Variants in NOTCH3 observed in about 807,000 individuals in gnomAD.
NOTCH3 encodes the protein notch receptor 3.
NOTCH3 carries 86 observed loss-of-function variants against 213.3 expected under a neutral mutation model. That is an observed-to-expected ratio of 0.40 (90% CI 0.34 to 0.48). The LOEUF is 0.48. NOTCH3 is among the 20% of genes least tolerant of loss of function. NOTCH3 has a pLI of 0.57. For synonymous variants in NOTCH3, 1,354 were observed against 1,355.9 expected (o/e 1.00, Z 0.03); for missense variants, 2,783 against 3,272.6 (o/e 0.85, Z 3.65).
In NOTCH3 at chr19:15,166,959, A is replaced by C. The variant is rs34740703; in HGVS notation, c.5362+290T>G. 0.078 allele frequency among the ~76,000 whole-genome samples: 11,835 copies of C among 152,060 alleles called. 1,330 individuals carry two copies. Among genetic ancestry groups the C allele is most frequent in the African/African-American group, 0.25 (10,483 of 41,454 alleles). On this transcript the variant is annotated intron_variant, in intron 29 of 32. Coordinates refer to ENST00000263388, the MANE Select transcript of NOTCH3 (RefSeq NM_000435.3). ...AGAATGCATCCTGAGACTTTTCTGG[A>C]GCATTAAGAAGGTTTTGTAAGATTG...
At position 15,185,549 on chromosome 19, in the gene NOTCH3, G is replaced by T. The variant is rs751758366; in HGVS notation, c.2082C>A (p.Pro694=). ...GCTCATGGGCACAGGGATGGCTCGG[G>T]GGGAGGCAGAGTGGGGGCAAGGAGC... The part of the protein sequence containing the change: ...PPGSLPPLCL[P]PSHPCAHEPC... Residue 694 remains proline, a synonymous_variant, in exon 13 of 33, where the codon CCC becomes CCA. Transcript: ENST00000263388. This position sits in a 1 kb window ranked among gnomAD's most constrained non-coding sequence, Gnocchi z 4.2. 4 of 1,613,640 alleles carry T rather than the reference G, an allele frequency of 2.5e-6. No individual in the cohort carries two copies. Among genetic ancestry groups the T allele is most frequent in the South Asian group, 2.2e-5 (2 of 91,084 alleles).
In NOTCH3 at chr19:15,165,261, G is replaced by A. The variant is rs1428310166; in HGVS notation, c.5815+107C>T. On this transcript the variant is annotated intron_variant, in intron 31 of 32. Transcript: ENST00000263388. This position sits in a 1 kb window ranked among gnomAD's most constrained non-coding sequence, Gnocchi z 4.7. ...TCATGAAGCCTGGTTATGTGTGCGT[G>A]AGCTTCAGTGATTGGGTCTCAACAT... 1.7e-5 allele frequency: 20 copies of A among 1,184,780 alleles called. No individual in the cohort carries two copies. The highest frequency in any genetic ancestry group is 2.4e-5 in the Non-Finnish European group (19 of 803,010). The allele number at this position is 1,184,780 out of a possible 1,614,324, so 73.4% of individuals were successfully genotyped here. A position where few individuals can be genotyped will look rare whatever the true frequency, so the allele number is the denominator to read the frequency against.
At chr19:15,172,668 C>CTT (rs762705777) in intron 25 of NOTCH3, among the ~76,000 whole-genome samples, 27 of 139,886 alleles carry the variant, frequency 1.9e-4, no homozygotes, top group African/African-American at 6.1e-4. Context: ...TTTTCTTTTT[C>CTT]TTTTTTTTTT....
At chr19:15,176,442 C>T (rs917807506) in intron 24 of NOTCH3, among the ~76,000 whole-genome samples, 7 of 122 alleles carry the variant, frequency 0.057, no homozygotes, top group East Asian at 0.25. Flanking sequence ...GGATTACAGG[C>T]GTGAGCACTG....
chr19:15,183,034 T>C (rs1487243392), intron 16 of NOTCH3, among the ~76,000 whole-genome samples: 1 of 152,070 alleles, frequency 6.6e-6, no homozygotes, highest in Non-Finnish European at 1.5e-5. Context: ...GAGGATGGCT[T>C]GAGGCCAGGA....
intron 16 of NOTCH3, among the ~76,000 whole-genome samples, chr19:15,182,582 A>C (rs925305562): frequency 1.3e-5 from 2 of 151,692 alleles, no homozygotes; most frequent in Non-Finnish European, 2.9e-5. Flanking sequence ...TGATATGTTA[A>C]TATATTGGGT....
chr19:15,181,122 AGTTCACGCC>A lies in NOTCH3; in HGVS notation c.2824_2832del (p.Gly942_Asn944del). The A allele has an allele frequency of 5.0e-6, 8 of 1,608,964 alleles. No individual in the cohort carries two copies. The highest frequency in any genetic ancestry group is 6.8e-6 in the Non-Finnish European group (8 of 1,178,412). On this transcript the variant is annotated inframe_deletion, in exon 18 of 33. Coordinates refer to ENST00000263388, the MANE Select transcript of NOTCH3 (RefSeq NM_000435.3). ...CCGGGACGGCACAGGCAGCTGAACG[AGTTCACGCC>A]GTCCACACAGGTCCCGCCATTGAAG...
intron 12 of NOTCH3, 47 bp downstream of exon 12, chr19:15,186,831 T>C (rs2046885355): frequency 1.5e-5 from 22 of 1,479,664 alleles, no homozygotes; most frequent in Non-Finnish European, 2.1e-5. Context: ...GACGAGTGAC[T>C]TCACCCTCGA....
At chr19:15,186,817 C>G in intron 12 of NOTCH3, 61 bp downstream of exon 12, 1 of 1,365,130 alleles carries the variant, frequency 7.3e-7, no homozygotes, top group Non-Finnish European at 1.0e-6. Flanking sequence ...AACAGGCCCA[C>G]AGAGACGAGT....
At chr19:15,197,241 G>A (rs2046975811) in intron 2 of NOTCH3, among the ~76,000 whole-genome samples, 1 of 152,134 alleles carries the variant, frequency 6.6e-6, no homozygotes, top group African/African-American at 2.4e-5. Context: ...CCATTTTGCA[G>A]ACCATGACAC....
chr19:15,197,445 C>A, intron 2 of NOTCH3, 55 bp downstream of exon 2: 1 of 771,206 alleles, frequency 1.3e-6, no homozygotes, highest in Non-Finnish European at 2.3e-6. Context: ...CAAATCGCCC[C>A]TCCCCCCCGC....
Position 15,165,387 on chromosome 19 carries a change from G to A in NOTCH3, c.5796C>T (p.Val1932=), listed in dbSNP as rs1416719792. The A allele has an allele frequency of 1.9e-6, 3 of 1,608,026 alleles. No individual in the cohort carries two copies. The highest frequency in any genetic ancestry group is 2.5e-6 in the Non-Finnish European group (3 of 1,180,026). The change falls in exon 31 of 33, where the codon GTC becomes GTT. Residue 1932 remains valine (V), a synonymous_variant. Transcript: ENST00000263388. This position sits in a 1 kb window ranked among gnomAD's most constrained non-coding sequence, Gnocchi z 4.7. The part of the protein sequence containing the change: ...VEELIASHAD[V]NAVDELGKSA... ...ACCTACCAAGCTCATCCACAGCATT[G>A]ACATCAGCATGGCTGGCGATGAGCT...
At chr19:15,195,063 A>C (rs981651913) in intron 2 of NOTCH3, among the ~76,000 whole-genome samples, 1 of 152,024 alleles carries the variant, frequency 6.6e-6, no homozygotes, top group Non-Finnish European at 1.5e-5. Context: ...ACACACACAG[A>C]GGGACACACC....
In NOTCH3 at chr19:15,167,288, C is replaced by T. The variant is rs139983430; in HGVS notation, c.5323G>A (p.Ala1775Thr). ...AMALTPPQGDADADGMDVNVR... is the reference protein window; with the variant it reads ...AMALTPPQGDTDADGMDVNVR... ...TTGACATCCATGCCATCAGCATCTG[C>T]GTCGCCCTGTGGTGGTGTCAGTGCC... is the stretch of plus-strand genomic sequence containing the variant. The change falls in exon 29 of 33, where the codon GCA becomes ACA. Residue 1775 changes from alanine to threonine, a missense_variant. Ala to Thr is a moderately conservative substitution (Grantham distance 58). Coordinates refer to ENST00000263388, the MANE Select transcript of NOTCH3 (RefSeq NM_000435.3). The T allele has an allele frequency of 2.2e-5, 36 of 1,613,454 alleles. No individual in the cohort carries two copies. Among genetic ancestry groups the T allele is most frequent in the African/African-American group, 2.1e-4 (16 of 74,946 alleles).
At chr19:15,177,494 A>G (rs774151841) in intron 24 of NOTCH3, 31 bp downstream of exon 24, 1 of 1,590,466 alleles carries the variant, frequency 6.3e-7, no homozygotes, top group Middle Eastern at 1.7e-4. Context: ...GGATGCATAG[A>G]CAGACGGATC....
Position 15,199,163 on chromosome 19 carries a change from T to C in NOTCH3, c.119-1585A>G, listed in dbSNP as rs116455367. ...GCCACATGTGTGTGCGTGCACGGGC[T>C]TGTGTGTCTGTATGTGGATTTGGGC... On this transcript the variant is annotated intron_variant, in intron 1 of 32. Transcript: ENST00000263388. 1.9e-3 allele frequency among the ~76,000 whole-genome samples: 292 copies of C among 152,086 alleles called. 1 individual carries two copies. Among genetic ancestry groups the C allele is most frequent in the African/African-American group, 6.4e-3 (267 of 41,486 alleles).
rs1487561873 is a variant in NOTCH3, at chr19:15,167,279, C to T, written c.5332G>A (p.Asp1778Asn). The T allele has an allele frequency of 5.6e-6, 9 of 1,613,218 alleles. No homozygotes were observed. Among genetic ancestry groups the T allele is most frequent in the Non-Finnish European group, 7.6e-6 (9 of 1,179,556 alleles). ...CCACGCACATTGACATCCATGCCAT[C>T]AGCATCTGCGTCGCCCTGTGGTGGT... ...LTPPQGDADA[D>N]GMDVNVRGPD... Residue 1778 changes from aspartate (D) to asparagine (N), a missense_variant, in exon 29 of 33, where the codon GAT (aspartate) becomes AAT (asparagine). Physicochemically the swap from Asp to Asn is conservative, Grantham distance 23. Transcript: ENST00000263388.
chr19:15,181,179 G>A lies in NOTCH3; in HGVS notation c.2793-17C>T, dbSNP rs2046838277. ...AAGCAGGAGCTGGAGCGGAAGGAGT[G>A]GGAGGGAGGATCAGGCTCCGCCCCC... On this transcript the variant is annotated splice_polypyrimidine_tract_variant and intron_variant, in intron 17 of 32. Transcript: ENST00000263388. 1.9e-6 allele frequency: 3 copies of A among 1,606,168 alleles called. No individual in the cohort carries two copies. The highest frequency in any genetic ancestry group is 2.5e-6 in the Non-Finnish European group (3 of 1,176,584).
rs4809030 is a variant in NOTCH3, at chr19:15,162,570, A to G, written c.5816-8T>C. On this transcript the variant is annotated splice_region_variant and splice_polypyrimidine_tract_variant and intron_variant, in intron 31 of 32. Transcript: ENST00000263388. ...AGTGTAAGGCTGATTTCCCTGGAGGATGAAGGGGAGAGAGGTCAGGACCAG... is the reference window on the plus strand; with the variant it reads ...AGTGTAAGGCTGATTTCCCTGGAGGGTGAAGGGGAGAGAGGTCAGGACCAG... 0.89 allele frequency: 1,439,261 copies of G among 1,612,158 alleles called. 644,165 individuals carry two copies. The highest frequency in any genetic ancestry group is 0.98 in the African/African-American group (73,214 of 74,986).
Sources: allele counts gnomAD v4.1 joint callset (sites outside exome capture counted in the v4.1 genomes callset), GRCh38; gene constraint gnomAD v4.1.1; non-coding constraint Gnocchi (gnomAD v3.1); transcripts MANE v1.5; gene names NCBI Gene and HGNC (gene_info 2026-07-23, HGNC 2026-07-21).